The following GULP1 variants were observed in gnomAD, a reference collection of about 807,000 sequenced individuals.
GULP1 encodes the protein PTB domain-containing engulfment adapter protein 1.
In GULP1, 19 loss-of-function variants were observed where a neutral mutation model predicts 40.9. The ratio of observed to expected loss-of-function variants is 0.46; its 90% confidence interval spans 0.32 to 0.68. The LOEUF (loss-of-function observed/expected upper bound fraction) is 0.68, where lower values mean the gene tolerates loss of function less well. Ranked by LOEUF, GULP1 falls within the 30% of genes least tolerant of loss-of-function variation. The pLI, the probability that GULP1 is intolerant of heterozygous loss-of-function variation, is 0.03. For missense variants in GULP1, 312 were observed against 362.2 expected (o/e 0.86, Z 1.12); for synonymous variants, 119 against 117.6 (o/e 1.01, Z -0.08).
At chr2:188,363,588 A>G (rs1272845296) in intron 1 of GULP1, among the ~76,000 whole-genome samples, 1 of 152,124 alleles carries the variant, frequency 6.6e-6, no homozygotes, top group Non-Finnish European at 1.5e-5. Flanking sequence ...TGTTAGTCCA[A>G]TTTTCAAGGC....
At chr2:188,447,186 T>G (rs1483840481) in intron 2 of GULP1, among the ~76,000 whole-genome samples, 1 of 152,202 alleles carries the variant, frequency 6.6e-6, no homozygotes, top group Non-Finnish European at 1.5e-5. Flanking sequence ...TATAAAGAGT[T>G]GTGGAGACCA....
chr2:188,486,812 C>A (rs935010367), intron 4 of GULP1, among the ~76,000 whole-genome samples: 1 of 151,718 alleles, frequency 6.6e-6, no homozygotes, highest in Non-Finnish European at 1.5e-5. Context: ...TTATATTATC[C>A]TGTGTACTCT....
chr2:188,378,113 C>T (rs13404901), intron 1 of GULP1, among the ~76,000 whole-genome samples: 3,580 of 151,874 alleles, frequency 0.024, 151 homozygotes, highest in African/African-American at 0.082. Context: ...GTTTATTTCT[C>T]AAAGCAACAG....
Position 188,584,318 on chromosome 2 carries a change from A to G in GULP1, c.663A>G (p.Pro221=), listed in dbSNP as rs1701931905. The change falls in exon 10 of 12, where the codon CCA becomes CCG. Residue 221 remains proline, a synonymous_variant. Transcript: ENST00000409830. ...CCACTGACATCTTTGATATGATTCC[A>G]TTTTCTCCAATATCACACCAGTCTT... is the stretch of plus-strand genomic sequence containing the variant. ...SPSTDIFDMI[P]FSPISHQSSM... 1.9e-6 allele frequency: 3 copies of G among 1,607,056 alleles called. No homozygotes were observed. Among genetic ancestry groups the G allele is most frequent in the Non-Finnish European group, 1.7e-6 (2 of 1,173,880 alleles).
chr2:188,528,334 A>G (rs1686699608), intron 5 of GULP1, among the ~76,000 whole-genome samples: 1 of 152,100 alleles, frequency 6.6e-6, no homozygotes, highest in Non-Finnish European at 1.5e-5. Context: ...GGGCTCCTGA[A>G]ATTTTCCCCC....
At chr2:188,526,676 G>A (rs77784429) in intron 5 of GULP1, among the ~76,000 whole-genome samples, 5,937 of 152,164 alleles carry the variant, frequency 0.039, 263 homozygotes, top group African/African-American at 0.1. Flanking sequence ...AGGCATGAGA[G>A]TTGTGTAACA....
At chr2:188,329,044 A>G (rs1307611496) in intron 1 of GULP1, among the ~76,000 whole-genome samples, 1 of 151,796 alleles carries the variant, frequency 6.6e-6, no homozygotes, top group African/African-American at 2.4e-5. Context: ...TTCTCACTGT[A>G]TTTATTCTCT....
chr2:188,391,269 T>C (rs919536140), intron 2 of GULP1, among the ~76,000 whole-genome samples: 3 of 152,128 alleles, frequency 2.0e-5, no homozygotes, highest in African/African-American at 7.2e-5. Context: ...GTTGGGGTCA[T>C]GTATGATTTC....
At chr2:188,362,470 C>T (rs1462273662) in intron 1 of GULP1, among the ~76,000 whole-genome samples, 2 of 152,158 alleles carry the variant, frequency 1.3e-5, no homozygotes, top group African/African-American at 4.8e-5. Context: ...CCTTACTCAC[C>T]TGCACATGTT....
intron 2 of GULP1, among the ~76,000 whole-genome samples, chr2:188,477,100 T>C (rs1438982496): frequency 6.6e-6 from 1 of 152,212 alleles, no homozygotes; most frequent in East Asian, 1.9e-4. Flanking sequence ...TCCCATGCTA[T>C]ATCTAAGACA....
intron 2 of GULP1, among the ~76,000 whole-genome samples, chr2:188,428,398 T>C (rs913452326): frequency 4.6e-5 from 7 of 152,160 alleles, no homozygotes; most frequent in African/African-American, 9.7e-5. Context: ...CTGAATGATA[T>C]GGTTGAGATC....
Position 188,595,240 on chromosome 2 carries a change from A to G in GULP1, c.*1229A>G, listed in dbSNP as rs1704260879. On this transcript the variant is annotated 3_prime_UTR_variant, in exon 12 of 12. Coordinates refer to ENST00000409830, the MANE Select transcript of GULP1 (RefSeq NM_016315.4). ...CTCAGTAAAACAAAAATTTATGGTCAAAATTTCTAACTTGGTTCATCACAT... is the reference window on the plus strand; with the variant it reads ...CTCAGTAAAACAAAAATTTATGGTCGAAATTTCTAACTTGGTTCATCACAT... The G allele has an allele frequency of 6.6e-6, 1 of 151,712 alleles. No homozygotes were observed. Among genetic ancestry groups the G allele is most frequent in the African/African-American group, 2.4e-5 (1 of 41,406 alleles). 9.4% of individuals were successfully genotyped at this position (151,712 alleles called of 1,614,324 possible). A position where few individuals can be genotyped will look rare whatever the true frequency, so the allele number is the denominator to read the frequency against.
At chr2:188,411,121 ATCGGG>A (rs1251947155) in intron 2 of GULP1, among the ~76,000 whole-genome samples, 377 of 152,198 alleles carry the variant, frequency 2.5e-3, no homozygotes, top group African/African-American at 8.1e-3. Context: ...TCACTGGCTG[ATCGGG>A]GCATGGCTGT....
At chr2:188,510,838 C>A (rs1423711908) in intron 4 of GULP1, among the ~76,000 whole-genome samples, 1 of 150,210 alleles carries the variant, frequency 6.7e-6, no homozygotes, top group Non-Finnish European at 1.5e-5. Flanking sequence ...CAAAAACTTG[C>A]GTATGTGTTG....
chr2:188,549,009 A>T (rs1475851786), intron 7 of GULP1, among the ~76,000 whole-genome samples: 1 of 151,928 alleles, frequency 6.6e-6, no homozygotes, highest in East Asian at 1.9e-4. Flanking sequence ...ACATTTAGAA[A>T]AAAAACACAT....
chr2:188,459,670 T>C (rs1303131363), intron 2 of GULP1, among the ~76,000 whole-genome samples: 1 of 152,192 alleles, frequency 6.6e-6, no homozygotes, highest in African/African-American at 2.4e-5. Context: ...TTTGTCCATT[T>C]TGCTTGGGTT....
chr2:188,353,906 G>A (rs1193021504), intron 1 of GULP1, among the ~76,000 whole-genome samples: 2 of 152,058 alleles, frequency 1.3e-5, no homozygotes, highest in Non-Finnish European at 1.5e-5. Context: ...GCCAAGCAGA[G>A]CAGCTGTACA....
intron 4 of GULP1, among the ~76,000 whole-genome samples, chr2:188,485,514 G>T (rs1450610698): frequency 6.6e-6 from 1 of 151,864 alleles, no homozygotes; most frequent in African/African-American, 2.4e-5. Flanking sequence ...TGACCTCATA[G>T]TAGAGTTACT....
At chr2:188,384,142 G>T (rs1243485524) in intron 2 of GULP1, 1 of 152,036 alleles carries the variant, frequency 6.6e-6, no homozygotes, top group African/African-American at 2.4e-5. Flanking sequence ...AAGTTACAAT[G>T]ATAGTATTAT....
Sources: allele counts gnomAD v4.1 joint callset (sites outside exome capture counted in the v4.1 genomes callset), GRCh38; gene constraint gnomAD v4.1.1; transcripts MANE v1.5; gene names NCBI Gene and HGNC (gene_info 2026-07-23, HGNC 2026-07-21).